The following PACRG variants were observed in gnomAD, a reference collection of about 807,000 sequenced individuals.
The protein encoded by PACRG is parkin coregulated gene protein.
PACRG carries 29 observed loss-of-function variants against 29.7 expected under a neutral mutation model. The ratio of observed to expected loss-of-function variants is 0.98; its 90% confidence interval spans 0.73 to 1.33. PACRG has a LOEUF of 1.33. Ranked by LOEUF, PACRG falls within the 40% of genes most tolerant of loss-of-function variation. The pLI, the probability that PACRG is intolerant of heterozygous loss-of-function variation, is 0.00. For synonymous variants in PACRG, 116 were observed against 118.7 expected (o/e 0.98, Z 0.15); for missense variants, 279 against 316.2 (o/e 0.88, Z 0.89).
At chr6:162,748,742 C>T (rs1265325242) in intron 1 of PACRG, among the ~76,000 whole-genome samples, 1 of 152,174 alleles carries the variant, frequency 6.6e-6, no homozygotes, top group Non-Finnish European at 1.5e-5. Context: ...ACCTCTACCA[C>T]ATTTAACCCT....
At chr6:162,919,679 G>T (rs1403293275) in intron 2 of PACRG, among the ~76,000 whole-genome samples, 1 of 152,124 alleles carries the variant, frequency 6.6e-6, no homozygotes, top group African/African-American at 2.4e-5. Context: ...GTAGTTGAAT[G>T]AATCAATATT....
At chr6:163,108,602 T>G in intron 4 of PACRG, among the ~76,000 whole-genome samples, 1 of 151,932 alleles carries the variant, frequency 6.6e-6, no homozygotes, top group East Asian at 1.9e-4. Flanking sequence ...TTTGCCATGT[T>G]GGTCTCGAAC....
intron 2 of PACRG, among the ~76,000 whole-genome samples, chr6:162,998,435 T>C (rs905441825): frequency 1.3e-5 from 2 of 152,218 alleles, no homozygotes; most frequent in Admixed American, 1.3e-4. Flanking sequence ...AAAGGATTAA[T>C]GTGAGCAGGT....
chr6:163,254,544 G>C (rs547297990), intron 4 of PACRG, among the ~76,000 whole-genome samples: 1 of 152,320 alleles, frequency 6.6e-6, no homozygotes, highest in South Asian at 2.1e-4. Context: ...TCTTCAGCTC[G>C]CGAGTGGGCT....
At chr6:162,933,863 G>A (rs1798045490) in intron 2 of PACRG, among the ~76,000 whole-genome samples, 1 of 152,122 alleles carries the variant, frequency 6.6e-6, no homozygotes, top group Non-Finnish European at 1.5e-5. Flanking sequence ...GGAAGGCAAA[G>A]GTGAACATGT....
At chr6:163,002,213 C>T (rs1015344754) in intron 2 of PACRG, among the ~76,000 whole-genome samples, 2 of 152,150 alleles carry the variant, frequency 1.3e-5, no homozygotes, top group South Asian at 4.1e-4. Flanking sequence ...TAGTTGACAG[C>T]AAAGTAATAC....
intron 2 of PACRG, among the ~76,000 whole-genome samples, chr6:162,899,756 T>G (rs1414903854): frequency 1.3e-5 from 2 of 152,194 alleles, no homozygotes; most frequent in Admixed American, 1.3e-4. Flanking sequence ...CGAGTAATAT[T>G]AAGATATTCA....
intron 4 of PACRG, among the ~76,000 whole-genome samples, chr6:163,256,749 C>T (rs772639725): frequency 7.9e-5 from 12 of 152,172 alleles, no homozygotes; most frequent in East Asian, 1.9e-4. Flanking sequence ...AGGACACTGA[C>T]GGTGACCCTG....
intron 2 of PACRG, among the ~76,000 whole-genome samples, chr6:162,969,410 C>T (rs917559635): frequency 2.0e-5 from 3 of 152,040 alleles, no homozygotes; most frequent in Non-Finnish European, 2.9e-5. Context: ...TCCATTGCTA[C>T]CCCATCATCT....
At chr6:162,746,368 C>T (rs967362417) in intron 1 of PACRG, among the ~76,000 whole-genome samples, 9 of 151,956 alleles carry the variant, frequency 5.9e-5, no homozygotes, top group African/African-American at 1.5e-4. Flanking sequence ...GAATATAACA[C>T]GGTATTTAAA....
At chr6:163,290,112 G>A (rs551054548) in intron 4 of PACRG, among the ~76,000 whole-genome samples, 1 of 151,908 alleles carries the variant, frequency 6.6e-6, no homozygotes, top group African/African-American at 2.4e-5. Flanking sequence ...TGCCCACTTC[G>A]GCCTCCCAGA....
chr6:162,884,577 A>T (rs1794173842), intron 2 of PACRG, among the ~76,000 whole-genome samples: 1 of 152,194 alleles, frequency 6.6e-6, no homozygotes, highest in Non-Finnish European at 1.5e-5. Flanking sequence ...TTCCTAACAA[A>T]TTTTTTTAAA....
At chr6:163,227,532 A>G (rs565936440) in intron 4 of PACRG, among the ~76,000 whole-genome samples, 5 of 152,366 alleles carry the variant, frequency 3.3e-5, no homozygotes, top group African/African-American at 7.2e-5. Flanking sequence ...AAAGATAACG[A>G]GAGGACTGTA....
At chr6:162,971,985 G>T (rs1344532644) in intron 2 of PACRG, among the ~76,000 whole-genome samples, 1 of 152,156 alleles carries the variant, frequency 6.6e-6, no homozygotes, top group Non-Finnish European at 1.5e-5. Context: ...TGGATCTCAG[G>T]CTCTAAGGCC....
chr6:162,979,727 T>A (rs1802249355), intron 2 of PACRG, among the ~76,000 whole-genome samples: 1 of 152,194 alleles, frequency 6.6e-6, no homozygotes, highest in Non-Finnish European at 1.5e-5. Flanking sequence ...TCTGATTTTT[T>A]TAGCTTTACT....
intron 4 of PACRG, among the ~76,000 whole-genome samples, chr6:163,279,300 C>T (rs934185648): frequency 2.6e-5 from 4 of 152,156 alleles, no homozygotes; most frequent in Admixed American, 6.5e-5. Flanking sequence ...GTTTGATTTC[C>T]TCTTCACCAA....
intron 2 of PACRG, among the ~76,000 whole-genome samples, chr6:162,917,097 A>G (rs564417559): frequency 6.6e-6 from 1 of 152,132 alleles, no homozygotes; most frequent in African/African-American, 2.4e-5. Context: ...TTCGAGTCTC[A>G]CATATGCCTG....
intron 2 of PACRG, among the ~76,000 whole-genome samples, chr6:162,913,729 A>G (rs2128081973): frequency 6.6e-6 from 1 of 152,328 alleles, no homozygotes; most frequent in South Asian, 2.1e-4. Flanking sequence ...CACTTGGTAT[A>G]GTCAATCCTT....
chr6:162,728,504 C>G (rs1475623592), intron 1 of PACRG, 113 bp downstream of exon 1: 1 of 1,306,676 alleles, frequency 7.7e-7, no homozygotes, highest in African/African-American at 1.5e-5. Flanking sequence ...TGGTCTTTGC[C>G]AAAAAAGGCA....
Sources: gnomAD v4.1 joint callset for allele counts (sites outside exome capture counted in the v4.1 genomes callset) on GRCh38, gnomAD v4.1.1 for gene constraint, MANE v1.5 for transcripts, NCBI Gene and HGNC (gene_info 2026-07-23, HGNC 2026-07-21) for gene names.